INVS: variants seen among roughly 807,000 people sequenced by gnomAD.
INVS encodes inversin, also known as inversion of embryo turning homolog.
A neutral mutation model predicts 108.8 loss-of-function variants in INVS; 86 were observed. That is an observed-to-expected ratio of 0.79 (90% confidence interval 0.66 to 0.95). The LOEUF (loss-of-function observed/expected upper bound fraction) is 0.95. Among genes scored for constraint, INVS ranks in the 40% least tolerant of loss-of-function variants. The pLI is 0.00. For missense variants in INVS, 1,169 were observed against 1,297.4 expected (o/e 0.90, Z 1.52); for synonymous variants, 455 against 473.5 (o/e 0.96, Z 0.51).
chr9:100,214,568 A>C (rs58242861), intron 3 of INVS, among the ~76,000 whole-genome samples: 3,051 of 152,338 alleles, frequency 0.02, 91 homozygotes, highest in African/African-American at 0.07. Flanking sequence ...AGCTGCTCAC[A>C]TGTCAGAAGA....
intron 12 of INVS, among the ~76,000 whole-genome samples, chr9:100,276,976 C>A (rs1442872031): frequency 1.3e-5 from 2 of 152,196 alleles, no homozygotes; most frequent in Non-Finnish European, 2.9e-5. Context: ...GAGCTCCTTC[C>A]TGGCTAGTAT....
chr9:100,218,266 T>C (rs1831050241), intron 3 of INVS, among the ~76,000 whole-genome samples: 1 of 152,138 alleles, frequency 6.6e-6, no homozygotes, highest in Admixed American at 6.5e-5. Flanking sequence ...ACAGAAAATA[T>C]AAGCACTGGG....
At chr9:100,118,075 T>C (rs1210254053) in intron 2 of INVS, among the ~76,000 whole-genome samples, 2 of 151,732 alleles carry the variant, frequency 1.3e-5, no homozygotes, top group Admixed American at 6.6e-5. Flanking sequence ...TTTTCTTTTT[T>C]TTTTTTTTTA....
In INVS at chr9:100,122,129, A is replaced by G. The variant is rs1413893272; in HGVS notation, c.107-4254A>G. ...GGTCAAGGTCCCATGGGTGTTTTGA[A>G]AGATTGAATTTCTGGCTGTCATTAG... On this transcript the variant is annotated intron_variant, in intron 2 of 16. Transcript: ENST00000262457. 2.0e-5 allele frequency among the ~76,000 whole-genome samples: 3 copies of G among 152,136 alleles called. No individual in the cohort carries two copies. The East Asian group carries it at 5.8e-4, about 29-fold the overall frequency.
At chr9:100,208,573 T>A (rs1830741567) in intron 3 of INVS, among the ~76,000 whole-genome samples, 1 of 152,178 alleles carries the variant, frequency 6.6e-6, no homozygotes, top group Non-Finnish European at 1.5e-5. Context: ...AGTAGGTGAA[T>A]TGATTTTTCT....
intron 3 of INVS, among the ~76,000 whole-genome samples, chr9:100,173,977 C>G: frequency 6.6e-6 from 1 of 152,088 alleles, no homozygotes; most frequent in East Asian, 1.9e-4. Context: ...CCTGCTAAAA[C>G]AAAAAATGAA....
At position 100,256,875 on chromosome 9, in the gene INVS, T is replaced by A. The variant is rs536176606; in HGVS notation, c.1464+3739T>A. On this transcript the variant is annotated intron_variant, in intron 10 of 16. Coordinates refer to ENST00000262457, the MANE Select transcript of INVS (RefSeq NM_014425.5). The stretch of plus-strand genomic sequence containing the variant: ...AAGTGCAATGTGGTACTGAGAAGAA[T>A]GTATATTCTGTTGATTTGGGGTGGA... 8.5e-4 allele frequency among the ~76,000 whole-genome samples: 129 copies of A among 152,310 alleles called. 1 individual carries two copies. Among genetic ancestry groups the A allele is most frequent in the East Asian group, 1.9e-3 (10 of 5,186 alleles).
Position 100,131,882 on chromosome 9 carries a change from G to A in INVS, c.273+5333G>A, listed in dbSNP as rs540256642. On this transcript the variant is annotated intron_variant, in intron 3 of 16. Transcript: ENST00000262457. The stretch of plus-strand genomic sequence containing the variant: ...TGTTTATTTTCAGTTTTCAAGGTAC[G>A]CTGTTTCCATGTTACTGATTTACAA... 4.5e-5 allele frequency: 44 copies of A among 972,052 alleles called. No individual in the cohort carries two copies. The Admixed American group carries it at 9.9e-4, about 22-fold the overall frequency. The allele number at this position is 972,052 out of a possible 1,614,324, so 60.2% of individuals were successfully genotyped here. A position where few individuals can be genotyped will look rare whatever the true frequency, so the allele number is the denominator to read the frequency against.
At chr9:100,182,715 G>C (rs1402278422) in intron 3 of INVS, among the ~76,000 whole-genome samples, 1 of 152,196 alleles carries the variant, frequency 6.6e-6, no homozygotes, top group African/African-American at 2.4e-5. Flanking sequence ...TGTGAAGACA[G>C]TGTGGCGATT....
chr9:100,099,732 T>G (rs139635637), intron 1 of INVS, among the ~76,000 whole-genome samples: 1 of 152,170 alleles, frequency 6.6e-6, no homozygotes, highest in Non-Finnish European at 1.5e-5. Context: ...TGCTAAGGCG[T>G]GGATCGCTCC....
At chr9:100,103,560 A>G (rs1827075271) in intron 1 of INVS, among the ~76,000 whole-genome samples, 1 of 151,916 alleles carries the variant, frequency 6.6e-6, no homozygotes, top group Non-Finnish European at 1.5e-5. Flanking sequence ...CCCTGGAGGC[A>G]GAGGCTGCAA....
intron 3 of INVS, among the ~76,000 whole-genome samples, chr9:100,180,642 C>T (rs574843503): frequency 6.6e-6 from 1 of 152,116 alleles, no homozygotes; most frequent in African/African-American, 2.4e-5. Context: ...AATTAATAGC[C>T]TAGCAACCTC....
At chr9:100,217,139 T>A (rs923521632) in intron 3 of INVS, among the ~76,000 whole-genome samples, 2 of 151,984 alleles carry the variant, frequency 1.3e-5, no homozygotes, top group Non-Finnish European at 2.9e-5. Flanking sequence ...TGAAACCCCG[T>A]CTCTACCAAA....
At chr9:100,170,393 C>CA (rs10585469) in intron 3 of INVS, among the ~76,000 whole-genome samples, 112 of 122,828 alleles carry the variant, frequency 9.1e-4, no homozygotes, top group Admixed American at 1.4e-3. Context: ...CCTGTCTGTA[C>CA]AAAAAAAAAA....
chr9:100,250,707 T>G (rs1832204868), intron 8 of INVS, among the ~76,000 whole-genome samples: 1 of 152,222 alleles, frequency 6.6e-6, no homozygotes, highest in Non-Finnish European at 1.5e-5. Flanking sequence ...TTTCACTCAG[T>G]CTACTGCCAA....
intron 3 of INVS, among the ~76,000 whole-genome samples, chr9:100,153,005 T>TTGTGTGTG (rs60860854): frequency 0.02 from 2,919 of 149,250 alleles, 76 homozygotes; most frequent in African/African-American, 0.066. Flanking sequence ...TGTTAACTAA[T>TTGTGTGTG]TGTGTGTGTG....
At chr9:100,194,713 A>G (rs895881642) in intron 3 of INVS, among the ~76,000 whole-genome samples, 6 of 152,212 alleles carry the variant, frequency 3.9e-5, no homozygotes, top group Non-Finnish European at 8.8e-5. Flanking sequence ...CAATTTTTAA[A>G]AGATGTCCTT....
rs893003161 is a variant in INVS at position 100,301,331 on chromosome 9, G to A, written c.*657G>A. ...ACAGTTCCTACGTTAGCCTCTCAAG[G>A]CCACAAGTTGCCGCCACGTCTTCAC... On this transcript the variant is annotated 3_prime_UTR_variant, in exon 17 of 17. Transcript: ENST00000262457. Among the ~76,000 whole-genome samples the A allele has an allele frequency of 6.6e-6, 1 of 152,078 alleles. No homozygotes were observed. Among genetic ancestry groups the A allele is most frequent in the African/African-American group, 2.4e-5 (1 of 41,394 alleles).
chr9:100,271,914 T>C (rs937120422), intron 11 of INVS, among the ~76,000 whole-genome samples: 4 of 151,922 alleles, frequency 2.6e-5, no homozygotes, highest in Admixed American at 1.3e-4. Flanking sequence ...TGTCACCCAG[T>C]CTGGAGTGCA....
Sources: gnomAD v4.1 joint callset for allele counts (sites outside exome capture counted in the v4.1 genomes callset) on GRCh38, gnomAD v4.1.1 for gene constraint, MANE v1.5 for transcripts, NCBI Gene and HGNC (gene_info 2026-07-23, HGNC 2026-07-21) for gene names.